The following EPHA6 variants were observed in gnomAD, a reference collection of about 807,000 sequenced individuals.
EPHA6 encodes the protein EPH receptor A6.
Under a neutral mutation model 112.0 loss-of-function variants are expected in EPHA6, and 50 were observed. The observed-to-expected ratio is 0.45, with a 90% CI of 0.36 to 0.56. The LOEUF (loss-of-function observed/expected upper bound fraction) is 0.56, where lower values mean the gene tolerates loss of function less well. EPHA6 is among the 20% of genes least tolerant of loss of function. EPHA6 has a pLI of 0.00. For missense variants in EPHA6, 1,280 were observed against 1,417.4 expected (o/e 0.90, Z 1.56); for synonymous variants, 529 against 490.7 (o/e 1.08, Z -1.03).
intron 13 of EPHA6, among the ~76,000 whole-genome samples, chr3:97,632,211 A>C (rs1172611769): frequency 6.6e-6 from 1 of 151,974 alleles, no homozygotes; most frequent in African/African-American, 2.4e-5. Flanking sequence ...CGCATACTGA[A>C]AGTTTGAAAA....
intron 5 of EPHA6, among the ~76,000 whole-genome samples, chr3:97,404,208 G>T (rs1054884508): frequency 1.3e-5 from 2 of 152,010 alleles, no homozygotes; most frequent in East Asian, 1.9e-4. Flanking sequence ...CATAATTTTT[G>T]CCTTAAATCT....
Position 97,754,778 on chromosome 3 carries a change from A to C in EPHA6, c.*6077A>C, listed in dbSNP as rs182064601. On this transcript the variant is annotated 3_prime_UTR_variant, in exon 18 of 18. Coordinates refer to ENST00000389672, the MANE Select transcript of EPHA6 (RefSeq NM_001080448.3). ...GAGTGCAGTGGCGAGATCTCGGCTC[A>C]CTGCTAACTCCGCCTCCCGGGTTCA... Among the ~76,000 whole-genome samples the C allele has an allele frequency of 1.1e-3, 163 of 152,216 alleles. 1 individual carries two copies. The highest frequency in any genetic ancestry group is 2.0e-3 in the Non-Finnish European group (136 of 68,006).
chr3:97,136,779 TA>T (rs2075779992), intron 3 of EPHA6, among the ~76,000 whole-genome samples: 1 of 152,162 alleles, frequency 6.6e-6, no homozygotes, highest in Non-Finnish European at 1.5e-5. Flanking sequence ...ATCAATCTAG[TA>T]TTAATTATCC....
chr3:97,674,078 A>G (rs2031123918), intron 14 of EPHA6, among the ~76,000 whole-genome samples: 1 of 152,220 alleles, frequency 6.6e-6, no homozygotes, highest in Non-Finnish European at 1.5e-5. Context: ...GCTAAGCACA[A>G]CACTATACCA....
chr3:97,759,698 A>C lies in EPHA6; in HGVS notation c.*10997A>C, dbSNP rs1218279472. ...TTTGTGGTAGAAAGGGAAGGATGTC[A>C]CTACGTAAGTTTTTTTTTAATTTTA... On this transcript the variant is annotated 3_prime_UTR_variant, in exon 18 of 18. Transcript: ENST00000389672. The C allele has an allele frequency of 3.1e-5, 7 of 229,290 alleles. No individual in the cohort carries two copies. Among genetic ancestry groups the C allele is most frequent in the Admixed American group, 1.1e-4 (2 of 17,638 alleles). The allele number at this position is 229,290 out of a possible 1,614,324, so 14.2% of individuals were successfully genotyped here. A position where few individuals can be genotyped will look rare whatever the true frequency, so the allele number is the denominator to read the frequency against.
At chr3:97,400,725 A>T (rs1248885113) in intron 5 of EPHA6, among the ~76,000 whole-genome samples, 1 of 151,436 alleles carries the variant, frequency 6.6e-6, no homozygotes, top group African/African-American at 2.4e-5. Flanking sequence ...TTTTTTCAGC[A>T]TATTTATGAC....
At chr3:97,006,493 C>T (rs1416904648) in intron 3 of EPHA6, among the ~76,000 whole-genome samples, 1 of 151,584 alleles carries the variant, frequency 6.6e-6, no homozygotes, top group African/African-American at 2.4e-5. Context: ...TGATTCTTCT[C>T]TGTCTTCTTC....
At chr3:96,979,606 G>T (rs998226361) in intron 2 of EPHA6, among the ~76,000 whole-genome samples, 1 of 152,144 alleles carries the variant, frequency 6.6e-6, no homozygotes, top group African/African-American at 2.4e-5. Context: ...TCTATTTCTA[G>T]ATCCTTGAGG....
Position 96,987,614 on chromosome 3 carries a change from T to A in EPHA6, c.735T>A (p.Ile245=), listed in dbSNP as rs773571233. The A allele has an allele frequency of 6.2e-7, 1 of 1,612,696 alleles. No homozygotes were observed. The highest frequency in any genetic ancestry group is 1.3e-5 in the African/African-American group (1 of 74,900). ...KPNQYTKIDT[I]AADESFTQMD... ...ACCAGTATACAAAGATCGACACAAT[T>A]GCTGCTGATGAGAGTTTTACCCAGA... The change falls in exon 3 of 18, where the codon ATT becomes ATA. Residue 245 remains isoleucine (I), a synonymous_variant. Coordinates refer to ENST00000389672, the MANE Select transcript of EPHA6 (RefSeq NM_001080448.3).
At chr3:97,689,285 C>T (rs887850380) in intron 14 of EPHA6, among the ~76,000 whole-genome samples, 10 of 152,170 alleles carry the variant, frequency 6.6e-5, no homozygotes, top group African/African-American at 2.4e-4. Context: ...AGCTCATTCA[C>T]GAGTCCCAGG....
At chr3:97,126,223 T>C (rs1258717786) in intron 3 of EPHA6, among the ~76,000 whole-genome samples, 1 of 152,144 alleles carries the variant, frequency 6.6e-6, no homozygotes, top group Non-Finnish European at 1.5e-5. Context: ...CTGGCCATAT[T>C]AACAAGTTGT....
chr3:97,707,461 T>A (rs903840340), intron 14 of EPHA6, among the ~76,000 whole-genome samples: 1 of 152,206 alleles, frequency 6.6e-6, no homozygotes, highest in Admixed American at 6.5e-5. Flanking sequence ...AGAGGAATAA[T>A]CACTTTGATC....
At chr3:97,478,764 A>G (rs58999578) in intron 8 of EPHA6, among the ~76,000 whole-genome samples, 28,784 of 151,992 alleles carry the variant, frequency 0.19, 4,102 homozygotes, top group African/African-American at 0.38. Flanking sequence ...TTGTTTAGCC[A>G]TTAGAAATTT....
chr3:97,549,756 G>A (rs1014542258), intron 11 of EPHA6, among the ~76,000 whole-genome samples: 3 of 152,050 alleles, frequency 2.0e-5, no homozygotes, highest in Non-Finnish European at 1.5e-5. Context: ...GTAGCAGTGA[G>A]CCGAGCATCA....
chr3:97,475,819 G>A (rs2091354064), intron 8 of EPHA6, among the ~76,000 whole-genome samples: 1 of 151,974 alleles, frequency 6.6e-6, no homozygotes, highest in Non-Finnish European at 1.5e-5. Context: ...TAAACCTAGT[G>A]TTATAGAAAT....
At chr3:97,364,698 T>C (rs373967563) in intron 5 of EPHA6, among the ~76,000 whole-genome samples, 4 of 151,940 alleles carry the variant, frequency 2.6e-5, no homozygotes, top group Admixed American at 6.5e-5. Context: ...GAACAATTTC[T>C]AAAATAAAAA....
intron 12 of EPHA6, among the ~76,000 whole-genome samples, chr3:97,598,211 C>T (rs1281179850): frequency 1.3e-5 from 2 of 150,286 alleles, no homozygotes; most frequent in Non-Finnish European, 1.5e-5. Flanking sequence ...AATCATTATA[C>T]GTTATTTAAA....
rs568295367 is a variant in EPHA6, at chr3:97,445,983, C to G, written c.1732-2585C>G. Among the ~76,000 whole-genome samples the G allele has an allele frequency of 4.9e-4, 74 of 152,216 alleles. 1 individual carries two copies. The Middle Eastern group carries it at 0.014, about 28-fold the overall frequency. On this transcript the variant is annotated intron_variant, in intron 6 of 17. Coordinates refer to ENST00000389672, the MANE Select transcript of EPHA6 (RefSeq NM_001080448.3). ...CTAAACATATTCAAAATTCAACCTG[C>G]CAGGATGAAGAAAACATCTCAATGG...
chr3:97,388,441 G>A (rs973281153), intron 5 of EPHA6, among the ~76,000 whole-genome samples: 3 of 152,092 alleles, frequency 2.0e-5, no homozygotes, highest in Admixed American at 2.0e-4. Context: ...ACTCGAGGAG[G>A]GAGTTAGGAA....
Sources: allele counts gnomAD v4.1 joint callset (sites outside exome capture counted in the v4.1 genomes callset), GRCh38; gene constraint gnomAD v4.1.1; transcripts MANE v1.5; gene names NCBI Gene and HGNC (gene_info 2026-07-23, HGNC 2026-07-21).